PTPN13: variants seen among roughly 807,000 people sequenced by gnomAD.
PTPN13 encodes the protein tyrosine-protein phosphatase non-receptor type 13.
PTPN13 carries 191 observed loss-of-function variants against 284.0 expected under a neutral mutation model. The observed-to-expected ratio is 0.67, with a 90% CI of 0.60 to 0.76. PTPN13 has a LOEUF of 0.76. PTPN13 is among the 30% of genes least tolerant of loss of function. The probability of loss-of-function intolerance (pLI) is 0.00; values close to 1 mark genes in which losing one functional copy is unlikely to be tolerated. For synonymous variants in PTPN13, 986 were observed against 1,022.3 expected (o/e 0.96, Z 0.68); for missense variants, 2,797 against 2,939.9 (o/e 0.95, Z 1.12).
chr4:86,753,022 T>C lies in PTPN13; in HGVS notation c.3180T>C (p.His1060=), dbSNP rs1325272692. The C allele has an allele frequency of 2.5e-6, 4 of 1,607,770 alleles. No homozygotes were observed. In the African/African-American group the frequency reaches 5.4e-5, roughly 22 times the overall value. ...GQAYVLGMTM[H]SSGNSSSQVP... is the part of the protein sequence containing the mutation. ...TTTATGCCACAGGAATGACTATGCA[T>C]AGTTCTGGAAACTCTTCATCCCAAG... The change falls in exon 20 of 48, where the codon CAT becomes CAC. Residue 1060 remains histidine (H), a synonymous_variant. Transcript: ENST00000411767.
In PTPN13 at chr4:86,635,317, A is replaced by T; in HGVS notation, c.61A>T (p.Ile21Leu). Residue 21 changes from isoleucine (I) to leucine (L), a missense_variant, in exon 2 of 48, where the codon ATA (isoleucine) becomes TTA (leucine). Ile to Leu is a conservative substitution (Grantham distance 5, BLOSUM62 2). Transcript: ENST00000411767. ...VRGGPLQEEE[I>L]WAVLNQSAES... is the part of the protein sequence containing the mutation. ...GGGTGGACCACTTCAGGAGGAAGAA[A>T]TATGGGCTGTATTAAATCAAAGTGC... The T allele has an allele frequency of 6.2e-7, 1 of 1,608,136 alleles. No individual in the cohort carries two copies. Among genetic ancestry groups the T allele is most frequent in the Non-Finnish European group, 8.5e-7 (1 of 1,177,534 alleles).
At chr4:86,708,612 A>G (rs984431364) in intron 7 of PTPN13, among the ~76,000 whole-genome samples, 4 of 152,136 alleles carry the variant, frequency 2.6e-5, no homozygotes, top group Non-Finnish European at 4.4e-5. Context: ...GGACGGATTG[A>G]TATGTCTTAA....
At chr4:86,792,638 C>T (rs1390577861) in intron 40 of PTPN13, among the ~76,000 whole-genome samples, 1 of 152,118 alleles carries the variant, frequency 6.6e-6, no homozygotes, top group Non-Finnish European at 1.5e-5. Context: ...CAAAGGGAAG[C>T]CCATCAGAAT....
chr4:86,785,473 T>A, intron 39 of PTPN13, 105 bp downstream of exon 39: 1 of 991,418 alleles, frequency 1.0e-6, no homozygotes, highest in Non-Finnish European at 1.4e-6. Context: ...CTTCTGTTCC[T>A]CATTCATGTG....
intron 4 of PTPN13, among the ~76,000 whole-genome samples, chr4:86,688,665 A>G (rs563346992): frequency 6.6e-6 from 1 of 152,082 alleles, no homozygotes; most frequent in African/African-American, 2.4e-5. Flanking sequence ...TATTCCCCCA[A>G]ATGGTGTGTA....
chr4:86,747,549 GGCAGCAGCAGCAGCAGCAGCA>G (rs78831573), intron 17 of PTPN13, among the ~76,000 whole-genome samples: 13 of 143,822 alleles, frequency 9.0e-5, no homozygotes, highest in African/African-American at 2.9e-4. Context: ...CAGCAGCAGC[GGCAGCAGCAGCAGCAGCAGCA>G]GCAGCAGCAG....
At chr4:86,720,110 C>T (rs1733492252) in intron 9 of PTPN13, among the ~76,000 whole-genome samples, 1 of 152,130 alleles carries the variant, frequency 6.6e-6, no homozygotes, top group Non-Finnish European at 1.5e-5. Flanking sequence ...ATTGAAAACT[C>T]TTGCTTTTAA....
At chr4:86,635,480 T>C in intron 2 of PTPN13, 109 bp downstream of exon 2, 8 of 1,453,352 alleles carry the variant, frequency 5.5e-6, no homozygotes, top group Non-Finnish European at 7.3e-6. Flanking sequence ...CCTGTGCCTT[T>C]GGCAGAGTAT....
intron 21 of PTPN13, 121 bp downstream of exon 21, chr4:86,758,470 C>T: frequency 1.0e-6 from 1 of 952,910 alleles, no homozygotes; most frequent in South Asian, 1.6e-5. Context: ...TGACTGGCTG[C>T]CCACCTACAA....
chr4:86,602,753 A>G (rs975106318), intron 1 of PTPN13, among the ~76,000 whole-genome samples: 4 of 151,582 alleles, frequency 2.6e-5, no homozygotes, highest in African/African-American at 7.3e-5. Context: ...TAGTGACCCA[A>G]TCACAGGTTA....
intron 15 of PTPN13, among the ~76,000 whole-genome samples, chr4:86,740,017 G>T (rs536813449): frequency 6.6e-6 from 1 of 152,332 alleles, no homozygotes; most frequent in African/African-American, 2.4e-5. Context: ...GGGCAGCTCT[G>T]CCCCTGTGTC....
At chr4:86,648,703 T>C (rs1378056185) in intron 2 of PTPN13, among the ~76,000 whole-genome samples, 6 of 152,172 alleles carry the variant, frequency 3.9e-5, no homozygotes, top group Non-Finnish European at 7.4e-5. Context: ...AGTGAAGATA[T>C]CTCTTTGATA....
chr4:86,691,577 C>G (rs962860574), intron 5 of PTPN13, among the ~76,000 whole-genome samples: 1 of 152,122 alleles, frequency 6.6e-6, no homozygotes, highest in African/African-American at 2.4e-5. Context: ...TTACTTTGTG[C>G]CAGACACTAT....
At position 86,700,474 on chromosome 4, in the gene PTPN13, TAAA is replaced by T. The variant is rs1383270161; in HGVS notation, c.635-761_635-759del. 2.6e-5 allele frequency among the ~76,000 whole-genome samples: 4 copies of T among 152,012 alleles called. No homozygotes were observed. In the South Asian group the frequency reaches 8.3e-4, roughly 31 times the overall value. On this transcript the variant is annotated intron_variant, in intron 6 of 47. Coordinates refer to ENST00000411767, the MANE Select transcript of PTPN13 (RefSeq NM_080683.3). ...GTCACATTTATAGACTACTGCCTTT[TAAA>T]AAAAAGTAAAATGACTACTGATTTT...
At position 86,734,869 on chromosome 4, in the gene PTPN13, A is replaced by G. The variant is rs768752143; in HGVS notation, c.2145A>G (p.Gln715=). The G allele has an allele frequency of 7.4e-6, 12 of 1,610,744 alleles. No homozygotes were observed. The highest frequency in any genetic ancestry group is 8.5e-6 in the Non-Finnish European group (10 of 1,177,546). The change falls in exon 14 of 48, where the codon CAA becomes CAG. Residue 715 remains glutamine (Q), a synonymous_variant. Coordinates refer to ENST00000411767, the MANE Select transcript of PTPN13 (RefSeq NM_080683.3). Reference sequence around the variant, plus strand: ...TCCAGGCTGAGTATGGAGATTATCAACCAGAGGTAGGATTTGTGTTTTTTT... The same window carrying G: ...TCCAGGCTGAGTATGGAGATTATCAGCCAGAGGTAGGATTTGTGTTTTTTT... ...LALQAEYGDY[Q]PEVHGVSYFR...
chr4:86,779,240 C>A (rs1741004525), intron 35 of PTPN13, among the ~76,000 whole-genome samples: 1 of 151,884 alleles, frequency 6.6e-6, no homozygotes, highest in Non-Finnish European at 1.5e-5. Context: ...ACGGTGAAAC[C>A]CCGTCTCTAC....
At chr4:86,772,677 C>G (rs1740140572) in intron 31 of PTPN13, 101 bp from the exon 32 acceptor site, 1 of 952,136 alleles carries the variant, frequency 1.1e-6, no homozygotes, top group Non-Finnish European at 1.5e-6. Flanking sequence ...CAATCAAAAT[C>G]AGACATGAAT....
At chr4:86,667,440 A>T (rs545772505) in intron 2 of PTPN13, among the ~76,000 whole-genome samples, 9 of 152,188 alleles carry the variant, frequency 5.9e-5, no homozygotes, top group Admixed American at 5.9e-4. Context: ...CTTTTGAGGA[A>T]TTAATACAGC....
chr4:86,670,480 CTT>C lies in PTPN13; in HGVS notation c.116-1881_116-1880del, dbSNP rs150230748. 2.7e-3 allele frequency among the ~76,000 whole-genome samples: 414 copies of C among 151,956 alleles called. 4 individuals are homozygous for C. The highest frequency in any genetic ancestry group is 9.5e-3 in the African/African-American group (394 of 41,430). The stretch of plus-strand genomic sequence containing the variant: ...AAACTTTGATGTCATCCAGAGTCCT[CTT>C]TTTCTGTCACTCCACATCCAGTCTG... On this transcript the variant is annotated intron_variant, in intron 2 of 47. Coordinates refer to ENST00000411767, the MANE Select transcript of PTPN13 (RefSeq NM_080683.3).
Sources: allele counts gnomAD v4.1 joint callset (sites outside exome capture counted in the v4.1 genomes callset), GRCh38; gene constraint gnomAD v4.1.1; transcripts MANE v1.5; gene names NCBI Gene and HGNC (gene_info 2026-07-23, HGNC 2026-07-21).